Variants in LAMA2 observed in about 807,000 individuals in gnomAD.
The protein encoded by LAMA2 is laminin subunit alpha-2.
In LAMA2, 269 loss-of-function variants were observed where a neutral mutation model predicts 364.8. The ratio of observed to expected loss-of-function variants is 0.74; its 90% CI spans 0.67 to 0.82. The LOEUF (loss-of-function observed/expected upper bound fraction) is 0.82, where lower values mean the gene tolerates loss of function less well. Among genes scored for constraint, LAMA2 ranks in the 40% least tolerant of loss-of-function variants. The probability of loss-of-function intolerance (pLI) is 0.00; values close to 1 mark genes in which losing one functional copy is unlikely to be tolerated. For synonymous variants in LAMA2, 1,379 were observed against 1,370.6 expected (o/e 1.01, Z -0.14); for missense variants, 3,807 against 3,873.2 (o/e 0.98, Z 0.45).
intron 27 of LAMA2, among the ~76,000 whole-genome samples, chr6:129,318,412 C>T (rs113995977): frequency 0.022 from 3,352 of 151,658 alleles, 131 homozygotes; most frequent in African/African-American, 0.078. Context: ...CTCTAATCCC[C>T]TGAAAAAAAA....
Position 129,514,512 on chromosome 6 carries a change from G to C in LAMA2, c.9128G>C (p.Gly3043Ala). 1 of 1,614,150 alleles carries C rather than the reference G, an allele frequency of 6.2e-7. No homozygotes were observed. Among genetic ancestry groups the C allele is most frequent in the Non-Finnish European group, 8.5e-7 (1 of 1,180,008 alleles). Residue 3043 changes from glycine to alanine, a missense_variant, in exon 64 of 65, where the codon GGG becomes GCG. Around this residue, in one of 3 missense-constraint regions of LAMA2, gnomAD observed 3,333 missense variants for 3,345.7 expected, o/e 1.00. Coordinates refer to ENST00000421865, the MANE Select transcript of LAMA2 (RefSeq NM_000426.4). ...CACCGCATTGAGCTCACAGTCGATG[G>C]GAACCAGGTGGAAGCCCAAAGCCCA... is the stretch of plus-strand genomic sequence containing the variant. The part of the protein sequence containing the change: ...IKHRIELTVD[G>A]NQVEAQSPNP...
intron 32 of LAMA2, among the ~76,000 whole-genome samples, chr6:129,363,155 C>A (rs1216576824): frequency 6.6e-6 from 1 of 152,018 alleles, no homozygotes; most frequent in African/African-American, 2.4e-5. Context: ...TGTTAAAAAA[C>A]TAGCTGGATG....
chr6:128,905,768 A>G (rs920313436), intron 1 of LAMA2, among the ~76,000 whole-genome samples: 9 of 151,472 alleles, frequency 5.9e-5, no homozygotes, highest in Non-Finnish European at 1.2e-4. Context: ...ATATCTCCCA[A>G]TGCTATCCCT....
chr6:129,173,745 T>G (rs3798674), intron 9 of LAMA2, among the ~76,000 whole-genome samples: 4,114 of 152,170 alleles, frequency 0.027, 124 homozygotes, highest in East Asian at 0.15. Flanking sequence ...GAGTGTAAGA[T>G]GTGGTCTCAT....
intron 41 of LAMA2, 49 bp downstream of exon 41, chr6:129,427,903 C>T: frequency 9.0e-7 from 1 of 1,111,964 alleles, no homozygotes; most frequent in Non-Finnish European, 1.4e-6. Flanking sequence ...CGGGTTGTTA[C>T]TGATAAGATA....
intron 40 of LAMA2, among the ~76,000 whole-genome samples, chr6:129,404,618 AAGTT>A (rs1393384601): frequency 6.6e-6 from 1 of 152,158 alleles, no homozygotes; most frequent in Non-Finnish European, 1.5e-5. Context: ...GTGTGATAGT[AAGTT>A]GGTAGTACTA....
chr6:129,358,547 G>C (rs1777284881), intron 32 of LAMA2, among the ~76,000 whole-genome samples: 2 of 151,978 alleles, frequency 1.3e-5, no homozygotes, highest in Non-Finnish European at 2.9e-5. Flanking sequence ...CTCTTTTTCT[G>C]TGACATCCAC....
chr6:129,078,108 A>G (rs988763903), intron 3 of LAMA2, among the ~76,000 whole-genome samples: 1 of 149,742 alleles, frequency 6.7e-6, no homozygotes, highest in Non-Finnish European at 1.5e-5. Context: ...TTATGGGGGC[A>G]GTGAGCGTAT....
At chr6:129,342,631 C>T (rs895824071) in intron 30 of LAMA2, among the ~76,000 whole-genome samples, 164 bp downstream of exon 30, 2 of 151,976 alleles carry the variant, frequency 1.3e-5, no homozygotes, top group African/African-American at 4.8e-5. Flanking sequence ...GTATATAATG[C>T]TCTATGGTTC....
At chr6:128,973,900 T>A (rs530359125) in intron 1 of LAMA2, among the ~76,000 whole-genome samples, 2 of 152,264 alleles carry the variant, frequency 1.3e-5, no homozygotes, top group Admixed American at 6.5e-5. Flanking sequence ...GTGGGGACAA[T>A]GCTGTGGGAC....
At chr6:128,935,926 CA>C (rs1230798804) in intron 1 of LAMA2, among the ~76,000 whole-genome samples, 1 of 152,126 alleles carries the variant, frequency 6.6e-6, no homozygotes, top group Non-Finnish European at 1.5e-5. Context: ...CCATAATCCC[CA>C]AATGTCAAAG....
At chr6:129,205,118 G>A (rs556411910) in intron 12 of LAMA2, among the ~76,000 whole-genome samples, 1 of 152,156 alleles carries the variant, frequency 6.6e-6, no homozygotes. Context: ...AGCTGGGCAG[G>A]GTGGCTCATG....
Position 129,312,853 on chromosome 6 carries a change from C to G in LAMA2, c.3175-8C>G. 1 of 1,602,156 alleles carries G rather than the reference C, an allele frequency of 6.2e-7. No homozygotes were observed. Among genetic ancestry groups the G allele is most frequent in the Non-Finnish European group, 8.6e-7 (1 of 1,169,218 alleles). On this transcript the variant is annotated splice_polypyrimidine_tract_variant and splice_region_variant and intron_variant, in intron 22 of 64. Coordinates refer to ENST00000421865, the MANE Select transcript of LAMA2 (RefSeq NM_000426.4). ...TGTTAATGGTTGCTGTTTTTATCTC[C>G]TCTATAGGCTTGTAACTGCAGCACA...
At chr6:129,046,689 A>G (rs1787531832) in intron 1 of LAMA2, among the ~76,000 whole-genome samples, 1 of 152,234 alleles carries the variant, frequency 6.6e-6, no homozygotes, top group Non-Finnish European at 1.5e-5. Flanking sequence ...CTATATCCAG[A>G]CAATTACATA....
chr6:128,897,950 A>G (rs1284598513), intron 1 of LAMA2, among the ~76,000 whole-genome samples: 5 of 152,214 alleles, frequency 3.3e-5, no homozygotes, highest in Non-Finnish European at 7.3e-5. Context: ...TCCTAGATTC[A>G]CACCTTGCTG....
At chr6:129,251,921 C>T (rs955822018) in intron 13 of LAMA2, among the ~76,000 whole-genome samples, 163 bp from the exon 14 acceptor site, 3 of 151,562 alleles carry the variant, frequency 2.0e-5, no homozygotes, top group African/African-American at 4.9e-5. Context: ...GGGGATAGAG[C>T]GAGACTCTGT....
chr6:129,328,501 T>G lies in LAMA2; in HGVS notation c.4311+89T>G. On this transcript the variant is annotated intron_variant, in intron 29 of 64. Transcript: ENST00000421865. ...ATCTGCATGCAGAGGCCAGCTAAAC[T>G]GTAAGGGAATGCAACTGTGTGTGTG... is the stretch of plus-strand genomic sequence containing the variant. 1 of 1,587,150 alleles carries G rather than the reference T, an allele frequency of 6.3e-7. No individual in the cohort carries two copies. Among genetic ancestry groups the G allele is most frequent in the Non-Finnish European group, 8.6e-7 (1 of 1,158,232 alleles).
chr6:128,905,573 T>A (rs554608581), intron 1 of LAMA2: 1 of 152,208 alleles, frequency 6.6e-6, no homozygotes, highest in East Asian at 1.9e-4. Context: ...AAAAACAGCA[T>A]TTTAAAGGTA....
intron 3 of LAMA2, among the ~76,000 whole-genome samples, chr6:129,069,845 A>G (rs1562210591): frequency 1.9e-5 from 2 of 105,624 alleles, no homozygotes; most frequent in African/African-American, 5.1e-5. Flanking sequence ...AATTATATAC[A>G]ATTATATTAA....
Sources: gnomAD v4.1 joint callset for allele counts (sites outside exome capture counted in the v4.1 genomes callset) on GRCh38, gnomAD v4.1.1 for gene constraint, gnomAD v4.1.1 regional missense constraint, MANE v1.5 for transcripts, NCBI Gene and HGNC (gene_info 2026-07-23, HGNC 2026-07-21) for gene names.